The following ADAM10 variants were observed in gnomAD, a reference collection of about 807,000 sequenced individuals.
The protein encoded by ADAM10 is disintegrin and metalloproteinase domain-containing protein 10.
Under a neutral mutation model 90.1 loss-of-function variants are expected in ADAM10, and 17 were observed. The ratio of observed to expected loss-of-function variants is 0.19; its 90% confidence interval spans 0.13 to 0.28. The LOEUF (loss-of-function observed/expected upper bound fraction) is 0.28, where lower values mean the gene tolerates loss of function less well. Ranked by LOEUF, ADAM10 falls within the 10% of genes least tolerant of loss-of-function variation. ADAM10 has a pLI of 1.00. For missense variants in ADAM10, 610 were observed against 914.3 expected (o/e 0.67, Z 4.29); for synonymous variants, 310 against 298.6 (o/e 1.04, Z -0.40).
intron 4 of ADAM10, among the ~76,000 whole-genome samples, chr15:58,675,632 T>A (rs1443427029): frequency 6.6e-6 from 1 of 152,208 alleles, no homozygotes; most frequent in African/African-American, 2.4e-5. Context: ...TAAATAAGTA[T>A]GCATTTTAAG....
rs767279464 is a variant in ADAM10, at chr15:58,599,623, C to T, written c.2127G>A (p.Lys709=). 2 of 1,613,408 alleles carry T rather than the reference C, an allele frequency of 1.2e-6. No homozygotes were observed. Among genetic ancestry groups the T allele is most frequent in the Non-Finnish European group, 1.7e-6 (2 of 1,179,694 alleles). The change falls in exon 15 of 16, where the codon AAG becomes AAA. Residue 709 remains lysine (K), a synonymous_variant. Coordinates refer to ENST00000260408, the MANE Select transcript of ADAM10 (RefSeq NM_001110.4). The stretch of plus-strand genomic sequence containing the variant: ...CTGGAAGTGGTTTAGGAGGAGGCAA[C>T]TTTGGATTACTACTTGGAGTATGAA... ...CSVHTPSSNP[K]LPPPKPLPGT... is the part of the protein sequence containing the mutation.
intron 4 of ADAM10, among the ~76,000 whole-genome samples, chr15:58,670,333 G>T (rs1022616130): frequency 1.3e-5 from 2 of 152,052 alleles, no homozygotes; most frequent in Non-Finnish European, 2.9e-5. Context: ...TTTTTAAAGA[G>T]ATATCTGGCA....
chr15:58,701,580 T>C (rs1370186626), intron 2 of ADAM10, among the ~76,000 whole-genome samples: 1 of 152,056 alleles, frequency 6.6e-6, no homozygotes, highest in East Asian at 1.9e-4. Flanking sequence ...AGCATAGAGA[T>C]TTCTCAAGAA....
At chr15:58,627,538 G>C (rs1242325254) in intron 10 of ADAM10, among the ~76,000 whole-genome samples, 162 bp downstream of exon 10, 1 of 152,118 alleles carries the variant, frequency 6.6e-6, no homozygotes, top group African/African-American at 2.4e-5. Context: ...CATGAATTGA[G>C]AGATGGCAAG....
At chr15:58,647,386 G>C (rs1896580022) in intron 5 of ADAM10, among the ~76,000 whole-genome samples, 2 of 147,878 alleles carry the variant, frequency 1.4e-5, no homozygotes, top group Non-Finnish European at 3.0e-5. Context: ...TCAGCCTCCG[G>C]CATAGCTGGG....
At chr15:58,679,365 T>C in intron 3 of ADAM10, 83 bp from the exon 4 acceptor site, 1 of 1,199,118 alleles carries the variant, frequency 8.3e-7, no homozygotes, top group Admixed American at 1.8e-5. Context: ...TATATGTGTG[T>C]ATATATATAC....
chr15:58,662,239 G>A (rs1896984892), intron 5 of ADAM10, among the ~76,000 whole-genome samples: 1 of 152,148 alleles, frequency 6.6e-6, no homozygotes, highest in Non-Finnish European at 1.5e-5. Flanking sequence ...TGACATTTTT[G>A]AGGTTTGTTT....
chr15:58,686,057 A>G (rs1381781453), intron 2 of ADAM10, among the ~76,000 whole-genome samples: 1 of 152,178 alleles, frequency 6.6e-6, no homozygotes, highest in Non-Finnish European at 1.5e-5. Flanking sequence ...ATGATTTAAG[A>G]AAAAAGGAAG....
intron 4 of ADAM10, among the ~76,000 whole-genome samples, chr15:58,667,162 A>C (rs1319092550): frequency 6.6e-6 from 1 of 152,180 alleles, no homozygotes; most frequent in African/African-American, 2.4e-5. Flanking sequence ...ATGGGTGTAG[A>C]ATATTCGGCC....
intron 2 of ADAM10, among the ~76,000 whole-genome samples, chr15:58,688,295 A>G (rs1350870226): frequency 6.6e-6 from 1 of 152,026 alleles, no homozygotes; most frequent in Non-Finnish European, 1.5e-5. Context: ...TGGGAGGGCA[A>G]GGTGGGAAGA....
At chr15:58,688,724 T>G (rs2140766540) in intron 2 of ADAM10, among the ~76,000 whole-genome samples, 1 of 143,712 alleles carries the variant, frequency 7.0e-6, no homozygotes, top group South Asian at 2.2e-4. Context: ...GGGAGGAAAC[T>G]TCCAGAATTG....
At chr15:58,694,216 G>A (rs118040564) in intron 2 of ADAM10, among the ~76,000 whole-genome samples, 3,252 of 152,280 alleles carry the variant, frequency 0.021, 52 homozygotes, top group Non-Finnish European at 0.034. Flanking sequence ...CTGGGAGGCC[G>A]AGACAGGCAG....
intron 1 of ADAM10, among the ~76,000 whole-genome samples, chr15:58,724,918 C>T (rs528033544): frequency 6.6e-6 from 1 of 152,098 alleles, no homozygotes; most frequent in South Asian, 2.1e-4. Context: ...AGCCTGGGCA[C>T]GGTGGTTCAT....
intron 4 of ADAM10, among the ~76,000 whole-genome samples, chr15:58,666,850 GTATT>G (rs1396909701): frequency 3.3e-5 from 5 of 152,012 alleles, no homozygotes; most frequent in African/African-American, 1.2e-4. Flanking sequence ...CAACAAAACA[GTATT>G]TATATATGCT....
intron 9 of ADAM10, among the ~76,000 whole-genome samples, chr15:58,631,417 A>G (rs1896096413): frequency 6.6e-6 from 1 of 152,176 alleles, no homozygotes; most frequent in Non-Finnish European, 1.5e-5. Flanking sequence ...GAATAAAAAC[A>G]TCTCACTGGC....
chr15:58,684,432 G>A (rs1252654825), intron 2 of ADAM10, among the ~76,000 whole-genome samples: 4 of 152,176 alleles, frequency 2.6e-5, no homozygotes, highest in Non-Finnish European at 5.9e-5. Context: ...CAAATAATAA[G>A]AGCAATGGAA....
At chr15:58,721,433 G>GA (rs1486565665) in intron 1 of ADAM10, among the ~76,000 whole-genome samples, 55 of 152,122 alleles carry the variant, frequency 3.6e-4, no homozygotes, top group African/African-American at 1.3e-3. Context: ...AGTACTGTGG[G>GA]AAAAAAACTT....
chr15:58,742,614 G>A (rs779028709), intron 1 of ADAM10, among the ~76,000 whole-genome samples: 7 of 152,128 alleles, frequency 4.6e-5, no homozygotes, highest in Non-Finnish European at 8.8e-5. Context: ...TAATACTAAC[G>A]CAAAATCTTC....
chr15:58,620,621 G>T (rs1468846171), intron 11 of ADAM10, among the ~76,000 whole-genome samples: 1 of 151,238 alleles, frequency 6.6e-6, no homozygotes, highest in African/African-American at 2.4e-5. Context: ...AAATATGGAA[G>T]ATAGTTACAT....
Sources: gnomAD v4.1 joint callset for allele counts (sites outside exome capture counted in the v4.1 genomes callset) on GRCh38, gnomAD v4.1.1 for gene constraint, MANE v1.5 for transcripts, NCBI Gene and HGNC (gene_info 2026-07-23, HGNC 2026-07-21) for gene names.